Variants in CSMD1 observed in about 807,000 individuals in gnomAD.
CSMD1 encodes CUB and Sushi multiple domains 1.
Under a neutral mutation model 417.5 loss-of-function variants are expected in CSMD1, and 213 were observed. The ratio of observed to expected loss-of-function variants is 0.51; its 90% CI spans 0.46 to 0.57. The LOEUF is 0.57. Ranked by LOEUF, CSMD1 falls within the 20% of genes least tolerant of loss-of-function variation. The pLI is 0.00. For missense variants in CSMD1, 6,923 were observed against 4,529.7 expected, an observed-to-expected ratio of 1.53 and a Z score of -15.17; for synonymous variants, 2,862 against 1,736.8, an observed-to-expected ratio of 1.65 and a Z score of -16.11.
intron 8 of CSMD1, among the ~76,000 whole-genome samples, chr8:3,613,850 G>T (rs956397347): frequency 2.0e-5 from 3 of 151,750 alleles, no homozygotes; most frequent in African/African-American, 7.3e-5. Flanking sequence ...TTCCACCTAA[G>T]CTCAGGAATA....
At chr8:4,357,469 A>G (rs958266211) in intron 3 of CSMD1, among the ~76,000 whole-genome samples, 8 of 152,118 alleles carry the variant, frequency 5.3e-5, no homozygotes, top group African/African-American at 1.9e-4. Context: ...CTCTCCTACC[A>G]TCGCCCTCAC....
At chr8:3,474,977 C>G (rs567956683) in intron 11 of CSMD1, among the ~76,000 whole-genome samples, 1 of 152,142 alleles carries the variant, frequency 6.6e-6, no homozygotes, top group Non-Finnish European at 1.5e-5. Context: ...CCCCCAAGCC[C>G]TGCAGTGTAA....
At chr8:4,620,353 C>T (rs973927523) in intron 2 of CSMD1, among the ~76,000 whole-genome samples, 2 of 151,526 alleles carry the variant, frequency 1.3e-5, no homozygotes, top group Non-Finnish European at 3.0e-5. Flanking sequence ...AAGCTACTAA[C>T]ATAGACATCA....
At chr8:4,950,709 G>C (rs1165134324) in intron 1 of CSMD1, among the ~76,000 whole-genome samples, 2 of 152,164 alleles carry the variant, frequency 1.3e-5, no homozygotes, top group African/African-American at 2.4e-5. Context: ...GCAATAAAAA[G>C]AGTTGGTCAT....
At chr8:3,931,675 C>T (rs1397324185) in intron 5 of CSMD1, among the ~76,000 whole-genome samples, 3 of 149,260 alleles carry the variant, frequency 2.0e-5, no homozygotes, top group Admixed American at 2.0e-4. Context: ...AAAAAACAAA[C>T]AAACAAACAA....
chr8:3,511,314 G>A (rs7009346), intron 10 of CSMD1, among the ~76,000 whole-genome samples: 1 of 151,160 alleles, frequency 6.6e-6, no homozygotes, highest in Non-Finnish European at 1.5e-5. Context: ...AACCACAATG[G>A]CATGTGTATA....
At chr8:4,378,494 C>G (rs1249481901) in intron 3 of CSMD1, among the ~76,000 whole-genome samples, 1 of 152,050 alleles carries the variant, frequency 6.6e-6, no homozygotes, top group African/African-American at 2.4e-5. Context: ...CCCTTTATCT[C>G]TCTCTCTCTC....
chr8:2,942,898 G>T (rs1380423318), intron 68 of CSMD1, among the ~76,000 whole-genome samples: 1 of 152,116 alleles, frequency 6.6e-6, no homozygotes, highest in Non-Finnish European at 1.5e-5. Context: ...ATAGTTATAG[G>T]TGTTTTCACA....
At chr8:4,707,932 G>C (rs62484587) in intron 1 of CSMD1, among the ~76,000 whole-genome samples, 2 of 132,682 alleles carry the variant, frequency 1.5e-5, no homozygotes, top group African/African-American at 5.6e-5. Context: ...AAAAAAAAGA[G>C]GGGAAAGAAG....
chr8:3,253,581 C>T lies in CSMD1; in HGVS notation c.4154-23350G>A, dbSNP rs188928302. 3.3e-5 allele frequency among the ~76,000 whole-genome samples: 5 copies of T among 152,232 alleles called. No individual in the cohort carries two copies. The East Asian group carries it at 5.8e-4, about 18-fold the overall frequency. On this transcript the variant is annotated intron_variant, in intron 26 of 69. Transcript: ENST00000635120. ...AGTGCTGAGTTCAATTCCTGGATAT[C>T]CTTTTTAACTTCCTGTCTCATTGAT...
chr8:4,103,946 T>A (rs17404496), intron 3 of CSMD1, among the ~76,000 whole-genome samples: 16,796 of 152,222 alleles, frequency 0.11, 1,062 homozygotes, highest in Middle Eastern at 0.17. Flanking sequence ...CATTCACTCC[T>A]CAAACCCTGT....
At chr8:3,896,306 A>T (rs758534043) in intron 5 of CSMD1, among the ~76,000 whole-genome samples, 1 of 152,174 alleles carries the variant, frequency 6.6e-6, no homozygotes, top group Non-Finnish European at 1.5e-5. Context: ...GGAAAAATGC[A>T]TAAATGTATT....
intron 3 of CSMD1, among the ~76,000 whole-genome samples, chr8:4,388,127 A>T (rs1483736893): frequency 1.3e-5 from 2 of 152,280 alleles, no homozygotes; most frequent in Non-Finnish European, 2.9e-5. Flanking sequence ...AGCTAAATGT[A>T]ATTATTTAAA....
intron 1 of CSMD1, among the ~76,000 whole-genome samples, chr8:4,931,849 G>A (rs1807270925): frequency 6.6e-6 from 1 of 152,092 alleles, no homozygotes; most frequent in South Asian, 2.1e-4. Context: ...ATATTTTTAG[G>A]GGATTTTCAA....
At chr8:4,163,258 G>T (rs758720880) in intron 3 of CSMD1, among the ~76,000 whole-genome samples, 2 of 152,126 alleles carry the variant, frequency 1.3e-5, no homozygotes, top group East Asian at 1.9e-4. Flanking sequence ...CAAGGAGTGT[G>T]CTTCCTGGAC....
At chr8:3,178,767 T>C (rs930855632) in intron 37 of CSMD1, among the ~76,000 whole-genome samples, 2 of 152,046 alleles carry the variant, frequency 1.3e-5, no homozygotes, top group Non-Finnish European at 2.9e-5. Flanking sequence ...GGACATAAAA[T>C]AAAAATCTGA....
chr8:4,651,542 T>A (rs887809410), intron 1 of CSMD1, among the ~76,000 whole-genome samples: 3 of 152,148 alleles, frequency 2.0e-5, no homozygotes, highest in Non-Finnish European at 2.9e-5. Context: ...CTAATCAGAG[T>A]CATAATTTAC....
chr8:3,875,052 G>A (rs890901508), intron 5 of CSMD1, among the ~76,000 whole-genome samples: 1 of 152,134 alleles, frequency 6.6e-6, no homozygotes, highest in Non-Finnish European at 1.5e-5. Context: ...TGGGGCGGCT[G>A]AAAGAGCAGA....
In CSMD1 at chr8:4,297,791, G is replaced by C. The variant is rs1380659264; in HGVS notation, c.415+122162C>G. Among the ~76,000 whole-genome samples, 5 of 152,116 alleles carry C rather than the reference G, an allele frequency of 3.3e-5. No individual in the cohort carries two copies. In the East Asian group the frequency reaches 9.6e-4, roughly 29 times the overall value. On this transcript the variant is annotated intron_variant, in intron 3 of 69. Coordinates refer to ENST00000635120, the MANE Select transcript of CSMD1 (RefSeq NM_033225.6). ...CTGTGAGAGGTGATACATTTCAAAAGGATTTTCAGTGAATTATATAATTAA... is the reference window on the plus strand; with the variant it reads ...CTGTGAGAGGTGATACATTTCAAAACGATTTTCAGTGAATTATATAATTAA...
Sources: allele counts gnomAD v4.1 joint callset (sites outside exome capture counted in the v4.1 genomes callset), GRCh38; gene constraint gnomAD v4.1.1; transcripts MANE v1.5; gene names NCBI Gene and HGNC (gene_info 2026-07-23, HGNC 2026-07-21).